Variants in IMPACT observed in about 807,000 individuals in gnomAD.
IMPACT encodes impact RWD domain protein.
In IMPACT, 35 loss-of-function variants were observed where a neutral mutation model predicts 47.5. The observed-to-expected ratio is 0.74, with a 90% confidence interval of 0.56 to 0.98. IMPACT has a LOEUF of 0.98. Ranked by LOEUF, IMPACT falls within the 50% of genes least tolerant of loss-of-function variation. The pLI is 0.00. For synonymous variants in IMPACT, 118 were observed against 125.6 expected, an observed-to-expected ratio of 0.94 and a Z score of 0.40; for missense variants, 373 against 394.8, an observed-to-expected ratio of 0.94 and a Z score of 0.47.
chr18:24,427,903 A>T lies in IMPACT; in HGVS notation c.37-16A>T, dbSNP rs140351177. ...TGTGTACATTTGTTGACTTTTAAAA[A>T]ATCAATTTCTTTCAGAATGAGGAAA... is the stretch of plus-strand genomic sequence containing the variant. On this transcript the variant is annotated splice_polypyrimidine_tract_variant and intron_variant, in intron 1 of 10. Coordinates refer to ENST00000284202, the MANE Select transcript of IMPACT (RefSeq NM_018439.4). The T allele has an allele frequency of 2.3e-4, 367 of 1,593,574 alleles. No individual in the cohort carries two copies. In the African/African-American group the frequency reaches 3.9e-3, roughly 17 times the overall value.
intron 4 of IMPACT, chr18:24,435,379 TAA>T (rs916820056): frequency 1.3e-5 from 2 of 152,204 alleles, no homozygotes; most frequent in African/African-American, 4.8e-5. Flanking sequence ...TGATACTGTT[TAA>T]GAGAAAATGA....
chr18:24,426,748 A>C lies in IMPACT; in HGVS notation c.-9A>C, dbSNP rs756305801. On this transcript the variant is annotated 5_prime_UTR_variant, in exon 1 of 11. Coordinates refer to ENST00000284202, the MANE Select transcript of IMPACT (RefSeq NM_018439.4). ...CAGGCGGCGGCTGCAGGGCAGGTCC[A>C]GGGGCCACATGGCTGAGGGGGACGC... The C allele has an allele frequency of 1.8e-4, 225 of 1,245,068 alleles. No individual in the cohort carries two copies. Among genetic ancestry groups the C allele is most frequent in the Non-Finnish European group, 2.3e-4 (224 of 993,244 alleles). 77.1% of individuals were successfully genotyped at this position (1,245,068 alleles called of 1,614,324 possible).
rs935944207 is a variant in IMPACT at position 24,451,040 on chromosome 18, G to A, written c.*193G>A. 3 of 407,284 alleles carry A rather than the reference G, an allele frequency of 7.4e-6. No individual in the cohort carries two copies. Among genetic ancestry groups the A allele is most frequent in the African/African-American group, 2.1e-5 (1 of 48,646 alleles). The allele number at this position is 407,284 out of a possible 1,614,324, so 25.2% of individuals were successfully genotyped here. A position where few individuals can be genotyped will look rare whatever the true frequency, so the allele number is the denominator to read the frequency against. ...GAGAACTTATGATCTATTCATGTGT[G>A]TTTCAGGCTTATTTGGGAGAACTAA... On this transcript the variant is annotated 3_prime_UTR_variant, in exon 11 of 11. Transcript: ENST00000284202.
Position 24,450,857 on chromosome 18 carries a change from C to T in IMPACT, c.*10C>T. ...GAGGAATGAACATTAATACCTGAAA[C>T]TATAGGAAAGGTTAATTTGCCTATA... On this transcript the variant is annotated 3_prime_UTR_variant, in exon 11 of 11. Coordinates refer to ENST00000284202, the MANE Select transcript of IMPACT (RefSeq NM_018439.4). 1 of 1,511,046 alleles carries T rather than the reference C, an allele frequency of 6.6e-7. No homozygotes were observed. The highest frequency in any genetic ancestry group is 9.2e-7 in the Non-Finnish European group (1 of 1,088,516). The allele number at this position is 1,511,046 out of a possible 1,614,324, so 93.6% of individuals were successfully genotyped here. A position where few individuals can be genotyped will look rare whatever the true frequency, so the allele number is the denominator to read the frequency against.
rs182669794 is a variant in IMPACT at position 24,430,034 on chromosome 18, C to T, written c.219-288C>T. ...CCTCGTGATCTGCCCGCCTCGGCCT[C>T]CCAAAGTGCTGGGATTACAGGCATG... On this transcript the variant is annotated intron_variant, in intron 3 of 10. Transcript: ENST00000284202. Among the ~76,000 whole-genome samples, 675 of 152,228 alleles carry T rather than the reference C, an allele frequency of 4.4e-3. 4 individuals carry two copies. The highest frequency in any genetic ancestry group is 0.015 in the African/African-American group (620 of 41,518).
chr18:24,448,214 C>T (rs763543133), intron 9 of IMPACT, 31 bp downstream of exon 9: 1 of 1,413,226 alleles, frequency 7.1e-7, no homozygotes, highest in South Asian at 1.2e-5. Flanking sequence ...CAATCCTGTT[C>T]TGTACAAGCC....
chr18:24,434,703 C>T lies in IMPACT; in HGVS notation c.282-3252C>T, dbSNP rs539055808. ...GCCTGAACCCGGGAGGCAGAGGTTG[C>T]GGTGAGCTGAGATCGTGCCATTGCA... On this transcript the variant is annotated intron_variant, in intron 4 of 10. Coordinates refer to ENST00000284202, the MANE Select transcript of IMPACT (RefSeq NM_018439.4). Among the ~76,000 whole-genome samples, 453 of 144,020 alleles carry T rather than the reference C, an allele frequency of 3.1e-3. 3 individuals are homozygous for T. Among genetic ancestry groups the T allele is most frequent in the African/African-American group, 0.011 (435 of 38,798 alleles). The allele number at this position is 144,020 out of a possible 152,430, so 94.5% of individuals were successfully genotyped here.
intron 4 of IMPACT, among the ~76,000 whole-genome samples, chr18:24,437,203 C>T (rs1051765975): frequency 2.0e-5 from 3 of 152,174 alleles, no homozygotes; most frequent in African/African-American, 4.8e-5. Flanking sequence ...TCTTTAAACA[C>T]ATACCATACT....
At chr18:24,434,776 A>AAAAAAT (rs1164402384) in intron 4 of IMPACT, among the ~76,000 whole-genome samples, 1 of 114,026 alleles carries the variant, frequency 8.8e-6, no homozygotes, top group Non-Finnish European at 1.7e-5. Context: ...AAAAAAAAAA[A>AAAAAAT]ATATATATAT....
intron 4 of IMPACT, among the ~76,000 whole-genome samples, chr18:24,433,918 G>T (rs1441985704): frequency 6.6e-6 from 1 of 151,888 alleles, no homozygotes; most frequent in African/African-American, 2.4e-5. Flanking sequence ...TGATCCGCCT[G>T]CCTCGGCCTC....
At position 24,428,868 on chromosome 18, in the gene IMPACT, G is replaced by C. The variant is rs1209071594; in HGVS notation, c.166-1G>C. The C allele has an allele frequency of 1.2e-6, 2 of 1,610,600 alleles. No individual in the cohort carries two copies. Among genetic ancestry groups the C allele is most frequent in the African/African-American group, 1.3e-5 (1 of 74,750 alleles). ...CAGATGTTTTTGAACCTGCATTGTA[G>C]GTGATGCTGCCGAATGAATACCCAG... On this transcript the variant is annotated splice_acceptor_variant, in intron 2 of 10. Coordinates refer to ENST00000284202, the MANE Select transcript of IMPACT (RefSeq NM_018439.4). LOFTEE classifies it high-confidence loss of function.
At chr18:24,441,067 A>G (rs1436274007) in intron 6 of IMPACT, among the ~76,000 whole-genome samples, 1 of 152,166 alleles carries the variant, frequency 6.6e-6, no homozygotes, top group Non-Finnish European at 1.5e-5. Flanking sequence ...TTTTTGAGAG[A>G]CAAGGTCTCG....
intron 4 of IMPACT, among the ~76,000 whole-genome samples, chr18:24,436,933 A>C (rs996904657): frequency 2.0e-5 from 3 of 152,216 alleles, no homozygotes; most frequent in African/African-American, 7.2e-5. Flanking sequence ...GTTTAACTTC[A>C]CACAGCTTAG....
intron 4 of IMPACT, among the ~76,000 whole-genome samples, chr18:24,431,709 A>T (rs140317794): frequency 3.7e-4 from 55 of 150,470 alleles, no homozygotes; most frequent in African/African-American, 1.0e-3. Context: ...AATTTTTTTT[A>T]AAATTTTTTT....
intron 5 of IMPACT, chr18:24,439,686 C>T: frequency 6.6e-6 from 1 of 151,606 alleles, no homozygotes; most frequent in Non-Finnish European, 1.5e-5. Context: ...GTGGTACGCA[C>T]CTGTAATTGC....
chr18:24,426,937 A>C (rs1908624186), intron 1 of IMPACT, 145 bp downstream of exon 1: 1 of 554,372 alleles, frequency 1.8e-6, no homozygotes, highest in Non-Finnish European at 2.7e-6. Flanking sequence ...ACCGCGTTCC[A>C]TTTTCCCGGC....
Position 24,453,165 on chromosome 18 carries a change from G to A in IMPACT, c.*2318G>A, listed in dbSNP as rs1200747401. On this transcript the variant is annotated 3_prime_UTR_variant, in exon 11 of 11. Transcript: ENST00000284202. ...TACTTTTTAGATGGGAATTGCAGAA[G>A]CTGCATCAAAAGTATGCTTTGAGGT... 1.3e-5 allele frequency: 2 copies of A among 152,212 alleles called. No homozygotes were observed. Among genetic ancestry groups the A allele is most frequent in the Non-Finnish European group, 2.9e-5 (2 of 68,032 alleles). 9.4% of individuals were successfully genotyped at this position (152,212 alleles called of 1,614,324 possible).
At chr18:24,449,635 C>A (rs1225204097) in intron 9 of IMPACT, among the ~76,000 whole-genome samples, 184 bp from the exon 10 acceptor site, 1 of 152,118 alleles carries the variant, frequency 6.6e-6, no homozygotes, top group African/African-American at 2.4e-5. Context: ...TCTGTTCTTC[C>A]ATTTCACTCC....
rs768488892 is a variant in IMPACT at position 24,438,033 on chromosome 18, A to G, written c.360A>G (p.Thr120=). ...TTCTTATACAAAAATCTCAGATGAC[A>G]GAACCAGGTAGGATTGAAAAATACT... The part of the protein sequence containing the change: ...RDVLIQKSQM[T]EPGPDVKKKT... The change falls in exon 5 of 11, where the codon ACA becomes ACG. Residue 120 remains threonine, a synonymous_variant. Transcript: ENST00000284202. 1.2e-5 allele frequency: 18 copies of G among 1,481,406 alleles called. No homozygotes were observed. The highest frequency in any genetic ancestry group is 1.7e-5 in the Non-Finnish European group (18 of 1,070,710). 91.8% of individuals were successfully genotyped at this position (1,481,406 alleles called of 1,614,324 possible).
Sources: gnomAD v4.1 joint callset for allele counts (sites outside exome capture counted in the v4.1 genomes callset) on GRCh38, gnomAD v4.1.1 for gene constraint, MANE v1.5 for transcripts, NCBI Gene and HGNC (gene_info 2026-07-23, HGNC 2026-07-21) for gene names.